Variants in MGAM2 observed in about 807,000 individuals in gnomAD.
MGAM2 encodes probable maltase-glucoamylase 2.
In MGAM2, 98 loss-of-function variants were observed where a neutral mutation model predicts 96.1. That is an observed-to-expected ratio of 1.02 (90% CI 0.87 to 1.21). The LOEUF (loss-of-function observed/expected upper bound fraction) is 1.21, where lower values mean the gene tolerates loss of function less well. Ranked by LOEUF, MGAM2 falls within the 50% of genes most tolerant of loss-of-function variation. The pLI is 0.00. For missense variants in MGAM2, 2,055 were observed against 1,182.4 expected, an observed-to-expected ratio of 1.74 and a Z score of -10.82; for synonymous variants, 749 against 414.8, an observed-to-expected ratio of 1.81 and a Z score of -9.79.
At chr7:142,200,561 A>C (rs4726498) in intron 45 of MGAM2, among the ~76,000 whole-genome samples, 111,787 of 152,054 alleles carry the variant, frequency 0.74, 41,272 homozygotes, top group African/African-American at 0.8. Context: ...CTAACTCAGA[A>C]TTTTCTATAG....
At chr7:142,141,801 A>C (rs1392995858) in intron 12 of MGAM2, among the ~76,000 whole-genome samples, 1 of 152,122 alleles carries the variant, frequency 6.6e-6, no homozygotes, top group African/African-American at 2.4e-5. Flanking sequence ...TGCCTAACCT[A>C]TATTTTAAAT....
rs1795127395 is a variant in MGAM2 at position 142,138,570 on chromosome 7, A to G, written c.989A>G (p.Tyr330Cys). The G allele has an allele frequency of 4.3e-6, 3 of 703,090 alleles. No homozygotes were observed. Among genetic ancestry groups the G allele is most frequent in the Admixed American group, 2.0e-5 (1 of 49,982 alleles). The allele number at this position is 703,090 out of a possible 1,614,324, so 43.6% of individuals were successfully genotyped here. The change falls in exon 10 of 48, where the codon TAT (tyrosine) becomes TGT (cysteine). Residue 330 changes from tyrosine to cysteine, a missense_variant. Transcript: ENST00000477922. ...GTTGGACGGCCATTCTTCCCTCCCT[A>G]TTGGAGTCTTGGGTTCCAGCTTAGT... ...ELVGRPFFPP[Y>C]WSLGFQLSRR...
chr7:142,188,442 A>T (rs1267424024), intron 36 of MGAM2, among the ~76,000 whole-genome samples: 2 of 143,028 alleles, frequency 1.4e-5, no homozygotes, highest in Non-Finnish European at 3.0e-5. Context: ...TGAGACCCAT[A>T]AAAAAAAACA....
At chr7:142,163,422 C>G (rs1277450146) in intron 23 of MGAM2, among the ~76,000 whole-genome samples, 1 of 152,140 alleles carries the variant, frequency 6.6e-6, no homozygotes. Context: ...GCTGGGATTA[C>G]AGGCATGCAC....
At chr7:142,167,785 C>A (rs137967414) in intron 26 of MGAM2, among the ~76,000 whole-genome samples, 36 of 152,160 alleles carry the variant, frequency 2.4e-4, no homozygotes, top group African/African-American at 8.4e-4. Flanking sequence ...GTTTCCCAGG[C>A]GGTCTCAAAT....
At chr7:142,175,607 G>A (rs1008661650) in intron 31 of MGAM2, 45 bp from the exon 32 acceptor site, 1 of 698,394 alleles carries the variant, frequency 1.4e-6, no homozygotes, top group Non-Finnish European at 2.6e-6. Context: ...GCCCTGCAGG[G>A]CACCTACTGC....
intron 45 of MGAM2, among the ~76,000 whole-genome samples, chr7:142,207,129 C>T (rs540506051): frequency 1.4e-4 from 21 of 152,252 alleles, no homozygotes; most frequent in African/African-American, 5.1e-4. Flanking sequence ...AAGAACAGAA[C>T]ATGAAGTGAA....
At chr7:142,134,340 T>C (rs768657103) in intron 7 of MGAM2, among the ~76,000 whole-genome samples, 188 bp downstream of exon 7, 1 of 152,138 alleles carries the variant, frequency 6.6e-6, no homozygotes, top group Non-Finnish European at 1.5e-5. Flanking sequence ...AAAATTAAAT[T>C]AGAAATTTTC....
rs1305067121 is a variant in MGAM2, at chr7:142,187,773, T to G, written c.4146T>G (p.Phe1382Leu). ...AGGATATGAATGAGCCATCAAATTT[T>G]GTGGATGGATCTGTCAGGGGCTGCA... Reference protein sequence around the residue: ...LWIDMNEPSNFVDGSVRGCSN... With the variant: ...LWIDMNEPSNLVDGSVRGCSN... Residue 1382 changes from phenylalanine to leucine, a missense_variant, in exon 36 of 48, where the codon TTT (phenylalanine) becomes TTG (leucine). Physicochemically the swap from Phe to Leu is conservative, Grantham distance 22. Coordinates refer to ENST00000477922, the MANE Select transcript of MGAM2 (RefSeq NM_001293626.2). The G allele has an allele frequency of 4.3e-6, 3 of 702,704 alleles. No homozygotes were observed. Among genetic ancestry groups the G allele is most frequent in the Admixed American group, 2.0e-5 (1 of 49,990 alleles). The allele number at this position is 702,704 out of a possible 1,614,324, so 43.5% of individuals were successfully genotyped here.
At chr7:142,185,255 C>A in intron 34 of MGAM2, 116 bp downstream of exon 34, 1 of 570,960 alleles carries the variant, frequency 1.8e-6, no homozygotes, top group South Asian at 2.4e-5. Context: ...CTTGAGGGTG[C>A]TTATCCACTG....
At chr7:142,165,707 T>C (rs578212153) in intron 24 of MGAM2, among the ~76,000 whole-genome samples, 2 of 152,360 alleles carry the variant, frequency 1.3e-5, no homozygotes, top group African/African-American at 4.8e-5. Flanking sequence ...ATGGAACTGC[T>C]GTCTAGGATT....
chr7:142,220,751 T>C lies in MGAM2; in HGVS notation c.6240T>C (p.Asn2080=). The part of the protein sequence containing the change: ...ADANTSNTVP[N]TTMPSPTSST... Reference sequence around the variant, plus strand: ...CTAACACTAGTAATACTGTTCCTAATACCACTATGCCTTCTCCTACAAGTA... The same window carrying C: ...CTAACACTAGTAATACTGTTCCTAACACCACTATGCCTTCTCCTACAAGTA... The change falls in exon 48 of 48, where the codon AAT becomes AAC. Residue 2080 remains asparagine (N), a synonymous_variant. Coordinates refer to ENST00000477922, the MANE Select transcript of MGAM2 (RefSeq NM_001293626.2). 1.4e-6 allele frequency: 1 copy of C among 702,200 alleles called. No homozygotes were observed. The highest frequency in any genetic ancestry group is 2.7e-5 in the East Asian group (1 of 37,250). The allele number at this position is 702,200 out of a possible 1,614,324, so 43.5% of individuals were successfully genotyped here.
At chr7:142,189,202 A>G (rs1796794008) in intron 36 of MGAM2, among the ~76,000 whole-genome samples, 165 bp from the exon 37 acceptor site, 1 of 152,248 alleles carries the variant, frequency 6.6e-6, no homozygotes, top group Admixed American at 6.5e-5. Flanking sequence ...TTCATTAGTT[A>G]TAAAGACACA....
chr7:142,175,541 G>T (rs1796346761), intron 31 of MGAM2, 111 bp from the exon 32 acceptor site: 1 of 622,316 alleles, frequency 1.6e-6, no homozygotes, highest in Non-Finnish European at 2.8e-6. Flanking sequence ...ATGAAGAGGG[G>T]CCTGGAATGG....
intron 25 of MGAM2, among the ~76,000 whole-genome samples, chr7:142,166,850 A>C (rs749558012): frequency 2.6e-5 from 4 of 152,214 alleles, no homozygotes; most frequent in Non-Finnish European, 5.9e-5. Context: ...TTATTCCTTC[A>C]AAATTCTGGA....
intron 28 of MGAM2, among the ~76,000 whole-genome samples, 156 bp downstream of exon 28, chr7:142,171,596 C>T (rs1305557100): frequency 1.1e-5 from 1 of 94,310 alleles, no homozygotes; most frequent in Non-Finnish European, 2.1e-5. Flanking sequence ...TTCTTTTGTC[C>T]CTAAAAGGCA....
intron 46 of MGAM2, 126 bp from the exon 47 acceptor site, chr7:142,218,235 A>C: frequency 2.1e-6 from 1 of 481,356 alleles, no homozygotes; most frequent in South Asian, 5.1e-5. Flanking sequence ...TAAAAATTTA[A>C]ATACATAAAT....
At chr7:142,181,010 T>C (rs1054246236) in intron 32 of MGAM2, among the ~76,000 whole-genome samples, 1 of 152,216 alleles carries the variant, frequency 6.6e-6, no homozygotes. Context: ...GTCCTTGTCA[T>C]ACAGGTTTTG....
intron 3 of MGAM2, 67 bp downstream of exon 3, chr7:142,120,448 T>G: frequency 1.5e-6 from 1 of 678,116 alleles, no homozygotes; most frequent in Non-Finnish European, 2.7e-6. Context: ...ATATGTGAAG[T>G]GGGGAAAGGG....
Sources: allele counts gnomAD v4.1 joint callset (sites outside exome capture counted in the v4.1 genomes callset), GRCh38; gene constraint gnomAD v4.1.1; transcripts MANE v1.5; gene names NCBI Gene and HGNC (gene_info 2026-07-23, HGNC 2026-07-21).